METTL25: variants seen among roughly 807,000 people sequenced by gnomAD.
METTL25 encodes the protein methyltransferase like 25.
Under a neutral mutation model 71.6 loss-of-function variants are expected in METTL25, and 64 were observed. The observed-to-expected ratio is 0.89, with a 90% CI of 0.73 to 1.10. The LOEUF (loss-of-function observed/expected upper bound fraction) is 1.10, where lower values mean the gene tolerates loss of function less well. Among genes scored for constraint, METTL25 ranks in the 50% least tolerant of loss-of-function variants. The pLI is 0.00. For missense variants in METTL25, 807 were observed against 707.0 expected (o/e 1.14, Z -1.60); for synonymous variants, 287 against 250.3 (o/e 1.15, Z -1.38).
chr12:82,424,107 C>T (rs1487330975), intron 5 of METTL25, among the ~76,000 whole-genome samples: 2 of 152,064 alleles, frequency 1.3e-5, no homozygotes, highest in South Asian at 2.1e-4. Context: ...TGCAGCACTA[C>T]TCACAATAGC....
intron 1 of METTL25, among the ~76,000 whole-genome samples, chr12:82,373,402 A>T (rs1883478107): frequency 6.6e-6 from 1 of 152,272 alleles, no homozygotes; most frequent in Admixed American, 6.5e-5. Context: ...GGCAAAAATT[A>T]TGTCTTTCTG....
intron 1 of METTL25, among the ~76,000 whole-genome samples, chr12:82,369,203 A>G (rs192753556): frequency 6.6e-6 from 1 of 152,300 alleles, no homozygotes; most frequent in East Asian, 1.9e-4. Flanking sequence ...GAAATTACTC[A>G]TTGTATGTTA....
intron 5 of METTL25, among the ~76,000 whole-genome samples, chr12:82,404,977 C>G (rs139442015): frequency 1.6e-3 from 243 of 152,158 alleles, no homozygotes; most frequent in African/African-American, 5.6e-3. Context: ...GAGTCACTAT[C>G]CTTACACTAC....
At chr12:82,470,196 A>G (rs935182594) in intron 9 of METTL25, among the ~76,000 whole-genome samples, 1 of 152,174 alleles carries the variant, frequency 6.6e-6, no homozygotes, top group African/African-American at 2.4e-5. Context: ...ATTATTTCTT[A>G]TTTCTATATT....
chr12:82,431,623 A>G (rs1393587046), intron 6 of METTL25, among the ~76,000 whole-genome samples: 1 of 151,648 alleles, frequency 6.6e-6, no homozygotes, highest in Non-Finnish European at 1.5e-5. Context: ...ACACACACAC[A>G]AACAGTAATT....
chr12:82,403,239 A>C (rs759676690), intron 5 of METTL25, 109 bp downstream of exon 5: 8 of 1,064,964 alleles, frequency 7.5e-6, no homozygotes, highest in African/African-American at 6.5e-5. Flanking sequence ...GATTTGGATC[A>C]GCATTTAAGA....
intron 4 of METTL25, among the ~76,000 whole-genome samples, chr12:82,399,863 G>C (rs977458871): frequency 7.3e-5 from 11 of 150,698 alleles, no homozygotes; most frequent in Admixed American, 3.3e-4. Flanking sequence ...GTAATTGAAA[G>C]ACAGCAGATC....
intron 5 of METTL25, chr12:82,407,981 A>G (rs1318547767): frequency 3.0e-6 from 3 of 984,480 alleles, no homozygotes; most frequent in Non-Finnish European, 1.2e-6. Flanking sequence ...TTTTTATAAC[A>G]GTATTTCTCA....
At chr12:82,402,685 T>TTTAAATCA (rs1315895604) in intron 4 of METTL25, among the ~76,000 whole-genome samples, 2 of 152,186 alleles carry the variant, frequency 1.3e-5, no homozygotes, top group Non-Finnish European at 2.9e-5. Flanking sequence ...TAATTTAATC[T>TTTAAATCA]TTAAATCATT....
intron 5 of METTL25, among the ~76,000 whole-genome samples, chr12:82,426,899 T>G (rs561525731): frequency 6.6e-6 from 1 of 152,086 alleles, no homozygotes; most frequent in Non-Finnish European, 1.5e-5. Flanking sequence ...CCACAACACT[T>G]ACAGCTTCAC....
At chr12:82,410,189 T>C (rs570628434) in intron 5 of METTL25, among the ~76,000 whole-genome samples, 139 of 152,250 alleles carry the variant, frequency 9.1e-4, no homozygotes, top group African/African-American at 3.2e-3. Context: ...TTCCGTCATA[T>C]CAAATATTCT....
chr12:82,399,520 A>C, intron 4 of METTL25, 126 bp downstream of exon 4: 1 of 767,824 alleles, frequency 1.3e-6, no homozygotes, highest in Non-Finnish European at 2.0e-6. Flanking sequence ...AAATGAAATC[A>C]TAAGTAGGCT....
At chr12:82,388,174 T>C (rs1395651368) in intron 2 of METTL25, among the ~76,000 whole-genome samples, 1 of 152,150 alleles carries the variant, frequency 6.6e-6, no homozygotes, top group African/African-American at 2.4e-5. Flanking sequence ...TTTTCACATA[T>C]CAAATTAGGA....
intron 9 of METTL25, chr12:82,474,724 T>C (rs752923116): frequency 1.8e-4 from 27 of 152,184 alleles, no homozygotes; most frequent in Admixed American, 7.9e-4. Flanking sequence ...ATATCCAGTT[T>C]TGGATCTCTT....
chr12:82,359,212 T>C (rs1881438800), intron 1 of METTL25, among the ~76,000 whole-genome samples: 1 of 152,080 alleles, frequency 6.6e-6, no homozygotes, highest in Non-Finnish European at 1.5e-5. Context: ...GTGGTGGTAA[T>C]GAAGTAGAAA....
chr12:82,426,066 G>A (rs1888988062), intron 5 of METTL25, among the ~76,000 whole-genome samples: 1 of 152,042 alleles, frequency 6.6e-6, no homozygotes, highest in African/African-American at 2.4e-5. Flanking sequence ...AGAGAAGACT[G>A]ATACATAAAA....
chr12:82,413,097 G>A lies in METTL25; in HGVS notation c.1279+9967G>A, dbSNP rs148937226. Among the ~76,000 whole-genome samples, 26 of 151,814 alleles carry A rather than the reference G, an allele frequency of 1.7e-4. 1 individual carries two copies. The highest frequency in any genetic ancestry group is 5.6e-4 in the African/African-American group (23 of 41,416). On this transcript the variant is annotated intron_variant, in intron 5 of 11. Coordinates refer to ENST00000248306, the MANE Select transcript of METTL25 (RefSeq NM_032230.3). ...AATTCTTTTCGGTGACTCTCTTTTGGCCTTCCTATAAATCATTAGTATTTT... is the reference window on the plus strand; with the variant it reads ...AATTCTTTTCGGTGACTCTCTTTTGACCTTCCTATAAATCATTAGTATTTT...
chr12:82,368,157 T>G (rs939956366), intron 1 of METTL25, among the ~76,000 whole-genome samples: 14 of 152,084 alleles, frequency 9.2e-5, no homozygotes, highest in Admixed American at 2.6e-4. Flanking sequence ...TAACTCTGAT[T>G]AGCTGTGTTA....
At chr12:82,442,765 T>A (rs770358968) in intron 8 of METTL25, among the ~76,000 whole-genome samples, 1 of 152,170 alleles carries the variant, frequency 6.6e-6, no homozygotes, top group Non-Finnish European at 1.5e-5. Flanking sequence ...TGTGATTTTA[T>A]AATTATTTTA....
Sources: gnomAD v4.1 joint callset for allele counts (sites outside exome capture counted in the v4.1 genomes callset) on GRCh38, gnomAD v4.1.1 for gene constraint, MANE v1.5 for transcripts, NCBI Gene and HGNC (gene_info 2026-07-23, HGNC 2026-07-21) for gene names.